IRX2: variants seen among roughly 807,000 people sequenced by gnomAD.
The protein encoded by IRX2 is iroquois-class homeodomain protein IRX-2.
In IRX2, 26 loss-of-function variants were observed where a neutral mutation model predicts 42.9. The ratio of observed to expected loss-of-function variants is 0.61; its 90% confidence interval spans 0.44 to 0.84. IRX2 has a LOEUF of 0.84. Ranked by LOEUF, IRX2 falls within the 40% of genes least tolerant of loss-of-function variation. IRX2 has a pLI of 0.00. For missense variants in IRX2, 782 were observed against 713.9 expected, an observed-to-expected ratio of 1.10 and a Z score of -1.09; for synonymous variants, 424 against 353.9, an observed-to-expected ratio of 1.20 and a Z score of -2.22.
the IRX2 span, among the ~76,000 whole-genome samples, chr5:2,740,399 C>G: frequency 6.6e-6 from 1 of 152,108 alleles, no homozygotes; most frequent in Non-Finnish European, 1.5e-5. Context: ...TCGGTTCTCC[C>G]GACTGGCCTT....
At chr5:2,739,086 G>A in the IRX2 span, among the ~76,000 whole-genome samples, 1 of 152,214 alleles carries the variant, frequency 6.6e-6, no homozygotes, top group African/African-American at 2.4e-5. Flanking sequence ...TTCTGGTGGC[G>A]CCGAGAGCTT....
In IRX2 at chr5:2,749,801, G is replaced by C. The variant is rs746590941; in HGVS notation, c.250-14C>G. 2 of 1,585,566 alleles carry C rather than the reference G, an allele frequency of 1.3e-6. No homozygotes were observed. Among genetic ancestry groups the C allele is most frequent in the Non-Finnish European group, 1.7e-6 (2 of 1,167,030 alleles). On this transcript the variant is annotated splice_polypyrimidine_tract_variant and intron_variant, in intron 1 of 3. Transcript: ENST00000302057. ...GTAGGGTGCGCCCTGGAACCAACAAGAGCCTGTGAGTGGAGTATGCGGAGA... is the reference window on the plus strand; with the variant it reads ...GTAGGGTGCGCCCTGGAACCAACAACAGCCTGTGAGTGGAGTATGCGGAGA...
chr5:2,748,937 C>G lies in IRX2; in HGVS notation c.771G>C (p.Lys257Asn). 6.3e-7 allele frequency: 1 copy of G among 1,597,136 alleles called. No homozygotes were observed. Among genetic ancestry groups the G allele is most frequent in the Non-Finnish European group, 8.5e-7 (1 of 1,179,512 alleles). Reference sequence around the variant, plus strand: ...CGTCCTCCAGGTCGTCATACTTGTCCTTGCACTCCGAGCCCGATTCGCACA... The same window carrying G: ...CGTCCTCCAGGTCGTCATACTTGTCGTTGCACTCCGAGCCCGATTCGCACA... ...DPLCESGSECKDKYDDLEDDE... is the reference protein window; with the variant it reads ...DPLCESGSECNDKYDDLEDDE... Residue 257 changes from lysine (K) to asparagine (N), a missense_variant, in exon 3 of 4, where the codon AAG becomes AAC. Transcript: ENST00000302057.
At chr5:2,749,908 T>G in intron 1 of IRX2, 121 bp from the exon 2 acceptor site, 1 of 1,030,280 alleles carries the variant, frequency 9.7e-7, no homozygotes, top group Non-Finnish European at 1.4e-6. Flanking sequence ...GCTCTGGGGC[T>G]GCGCTTCCCG....
At position 2,748,432 on chromosome 5, in the gene IRX2, T is replaced by G; in HGVS notation, c.1276A>C (p.Lys426Gln). ...GCCTTGCCCGCGTCGCTGGCCGCCT[T>G]TGGCGCGGTGTGCAGGGCCTCGCCG... The part of the protein sequence containing the change: ...APGEALHTAP[K>Q]AASDAGKAGA... The change falls in exon 3 of 4, where the codon AAG (lysine) becomes CAG (glutamine). Residue 426 changes from lysine to glutamine, a missense_variant. This residue lies in a region of IRX2 where 520 missense variants were observed against 437.8 expected (regional missense o/e 1.19). Coordinates refer to ENST00000302057, the MANE Select transcript of IRX2 (RefSeq NM_033267.5). The G allele has an allele frequency of 6.5e-7, 1 of 1,547,888 alleles. No homozygotes were observed. The highest frequency in any genetic ancestry group is 8.7e-7 in the Non-Finnish European group (1 of 1,152,680).
chr5:2,741,049 C>T (rs1037519906), downstream of IRX2, among the ~76,000 whole-genome samples: 24 of 152,248 alleles, frequency 1.6e-4, no homozygotes, highest in African/African-American at 5.8e-4. Flanking sequence ...GCCGGGTGCA[C>T]GCGGGACCCG....
chr5:2,749,346 C>A (rs767872202), intron 2 of IRX2, 36 bp downstream of exon 2: 15 of 1,547,612 alleles, frequency 9.7e-6, no homozygotes, highest in South Asian at 1.3e-5. Context: ...GGGAAGAAAG[C>A]GCCCCGAGAC....
chr5:2,744,127 G>A (rs185262379), downstream of IRX2, among the ~76,000 whole-genome samples: 164 of 148,508 alleles, frequency 1.1e-3, 1 homozygote, highest in African/African-American at 3.9e-3. Context: ...TGTTGAAAGG[G>A]AACAGGGATC....
chr5:2,749,883 C>T (rs1489944597), intron 1 of IRX2, 96 bp from the exon 2 acceptor site: 4 of 1,311,338 alleles, frequency 3.1e-6, no homozygotes, highest in African/African-American at 1.5e-5. Flanking sequence ...GGCCACCGTT[C>T]CCCCCGTGAG....
the IRX2 span, among the ~76,000 whole-genome samples, chr5:2,740,633 G>A: frequency 1.3e-5 from 2 of 152,126 alleles, no homozygotes; most frequent in South Asian, 2.1e-4. Flanking sequence ...CTGGGTGGGC[G>A]TTTAAGGGCT....
In IRX2 at chr5:2,748,405, C is replaced by G. The variant is rs1737762010; in HGVS notation, c.1303G>C (p.Gly435Arg). The change falls in exon 3 of 4, where the codon GGC (glycine) becomes CGC (arginine). Residue 435 changes from glycine to arginine, a missense_variant. Gly to Arg is a moderately radical substitution (Grantham distance 125). This residue lies in a region of IRX2 where 520 missense variants were observed against 437.8 expected (regional missense o/e 1.19). Coordinates refer to ENST00000302057, the MANE Select transcript of IRX2 (RefSeq NM_033267.5). ...PKAASDAGKA[G>R]AHPLESHYRS... ...TAGTGGGACTCGAGCGGGTGCGCGC[C>G]CGCCTTGCCCGCGTCGCTGGCCGCC... 1 of 1,489,804 alleles carries G rather than the reference C, an allele frequency of 6.7e-7. No individual in the cohort carries two copies. 92.3% of individuals were successfully genotyped at this position (1,489,804 alleles called of 1,614,324 possible). A position where few individuals can be genotyped will look rare whatever the true frequency, so the allele number is the denominator to read the frequency against.
Position 2,747,201 on chromosome 5 carries a change from G to A in IRX2, c.*363C>T, listed in dbSNP as rs1737698756. 6.5e-6 allele frequency: 1 copy of A among 153,754 alleles called. No homozygotes were observed. The highest frequency in any genetic ancestry group is 2.4e-5 in the African/African-American group (1 of 41,340). 9.5% of individuals were successfully genotyped at this position (153,754 alleles called of 1,614,324 possible). On this transcript the variant is annotated 3_prime_UTR_variant, in exon 4 of 4. Coordinates refer to ENST00000302057, the MANE Select transcript of IRX2 (RefSeq NM_033267.5). Reference sequence around the variant, plus strand: ...AATGCCCAGATTTTAATAATCTATTGTTTCAAAAGAAAACAACAGTAGTGT... The same window carrying A: ...AATGCCCAGATTTTAATAATCTATTATTTCAAAAGAAAACAACAGTAGTGT...
At chr5:2,748,311 C>A in intron 3 of IRX2, 34 bp downstream of exon 3, 1 of 1,377,050 alleles carries the variant, frequency 7.3e-7, no homozygotes, top group African/African-American at 1.5e-5. Flanking sequence ...GCTCTCCCTC[C>A]CCTCCCGGGC....
chr5:2,744,481 A>C (rs1054635475), downstream of IRX2, among the ~76,000 whole-genome samples: 2 of 152,212 alleles, frequency 1.3e-5, no homozygotes, highest in Non-Finnish European at 1.5e-5. Flanking sequence ...AGACCTTCAG[A>C]CAACAATCTA....
At chr5:2,740,179 G>T in the IRX2 span, among the ~76,000 whole-genome samples, 65,103 of 146,988 alleles carry the variant, frequency 0.44, 14,385 homozygotes, top group Non-Finnish European at 0.48. Context: ...CAGTCGTGGC[G>T]TGCGGGGGCG....
chr5:2,748,680 G>T lies in IRX2; in HGVS notation c.1028C>A (p.Pro343Gln). 1 of 1,393,776 alleles carries T rather than the reference G, an allele frequency of 7.2e-7. No individual in the cohort carries two copies. Among genetic ancestry groups the T allele is most frequent in the South Asian group, 1.6e-5 (1 of 61,708 alleles). 86.3% of individuals were successfully genotyped at this position (1,393,776 alleles called of 1,614,324 possible). A position where few individuals can be genotyped will look rare whatever the true frequency, so the allele number is the denominator to read the frequency against. The change falls in exon 3 of 4, where the codon CCG becomes CAG. Residue 343 changes from proline (P) to glutamine (Q), a missense_variant. Physicochemically the swap from Pro to Gln is moderately conservative, Grantham distance 76. Around this residue, in one of 3 missense-constraint regions of IRX2, gnomAD observed 520 missense variants for 437.8 expected, o/e 1.19. Transcript: ENST00000302057. The stretch of plus-strand genomic sequence containing the variant: ...TGGCCCGCAGCCCGGGCCCAGGCTC[G>T]GCTGCTTGAGGTCCGACGTGGCGAT... The part of the protein sequence containing the change: ...AEIATSDLKQ[P>Q]SLGPGCGPPG...
At position 2,751,490 on chromosome 5, in the gene IRX2, C is replaced by T. The variant is rs954188768; in HGVS notation, c.-77G>A. 57 of 934,634 alleles carry T rather than the reference C, an allele frequency of 6.1e-5. No individual in the cohort carries two copies. The highest frequency in any genetic ancestry group is 7.2e-5 in the Non-Finnish European group (57 of 787,400). The allele number at this position is 934,634 out of a possible 1,614,324, so 57.9% of individuals were successfully genotyped here. ...GCGGCGCCCTCCATCCACGCCCGGCCGGGGCGCGGCGCGGCGGCGGGCACC... is the reference window on the plus strand; with the variant it reads ...GCGGCGCCCTCCATCCACGCCCGGCTGGGGCGCGGCGCGGCGGCGGGCACC... On this transcript the variant is annotated 5_prime_UTR_variant, in exon 1 of 4. Transcript: ENST00000302057. This position sits in a 1 kb window ranked among gnomAD's most constrained non-coding sequence, Gnocchi z 4.0.
At position 2,747,539 on chromosome 5, in the gene IRX2, A is replaced by G. The variant is rs1220797016; in HGVS notation, c.*25T>C. The G allele has an allele frequency of 6.2e-7, 1 of 1,610,472 alleles. No homozygotes were observed. Among genetic ancestry groups the G allele is most frequent in the African/African-American group, 1.3e-5 (1 of 74,986 alleles). On this transcript the variant is annotated 3_prime_UTR_variant, in exon 4 of 4. Transcript: ENST00000302057. ...CTGGGAAGCACCAGGGTGCCCACTT[A>G]CTTGCATTGCTGTGCTCGGCCCTTC...
the IRX2 span, among the ~76,000 whole-genome samples, chr5:2,740,180 TGCG>T: frequency 4.8e-5 from 6 of 124,398 alleles, no homozygotes; most frequent in South Asian, 5.3e-4. Flanking sequence ...AGTCGTGGCG[TGCG>T]GGGGCGGGGG....
Sources: gnomAD v4.1 joint callset for allele counts (sites outside exome capture counted in the v4.1 genomes callset) on GRCh38, gnomAD v4.1.1 for gene constraint, gnomAD v4.1.1 regional missense constraint, Gnocchi (gnomAD v3.1) non-coding constraint, MANE v1.5 for transcripts, NCBI Gene and HGNC (gene_info 2026-07-23, HGNC 2026-07-21) for gene names.